The following CDK13 variants were observed in gnomAD, a reference collection of about 807,000 sequenced individuals.
The protein encoded by CDK13 is cyclin-dependent kinase 13.
Under a neutral mutation model 137.6 loss-of-function variants are expected in CDK13, and 40 were observed. The ratio of observed to expected loss-of-function variants is 0.29; its 90% CI spans 0.23 to 0.38. CDK13 has a LOEUF of 0.38. Ranked by LOEUF, CDK13 falls within the 10% of genes least tolerant of loss-of-function variation. CDK13 has a pLI of 1.00. For synonymous variants in CDK13, 869 were observed against 760.1 expected, an observed-to-expected ratio of 1.14 and a Z score of -2.36; for missense variants, 1,704 against 1,951.8, an observed-to-expected ratio of 0.87 and a Z score of 2.39.
At chr7:40,021,834 T>G (rs887017070) in intron 5 of CDK13, among the ~76,000 whole-genome samples, 2 of 152,144 alleles carry the variant, frequency 1.3e-5, no homozygotes, top group Non-Finnish European at 2.9e-5. Flanking sequence ...CAACTAAAAT[T>G]TTTCTTTTCA....
At chr7:40,090,488 G>T (rs902878937) in intron 12 of CDK13, among the ~76,000 whole-genome samples, 2 of 152,094 alleles carry the variant, frequency 1.3e-5, no homozygotes, top group Non-Finnish European at 2.9e-5. Flanking sequence ...AGAGTAACTG[G>T]GATTACAGGC....
intron 11 of CDK13, among the ~76,000 whole-genome samples, chr7:40,084,163 G>A (rs1292000562): frequency 1.3e-5 from 2 of 152,048 alleles, no homozygotes; most frequent in Non-Finnish European, 2.9e-5. Context: ...TGGCCAACAT[G>A]GTGAAACCCC....
At chr7:40,031,967 G>A (rs1316478008) in intron 5 of CDK13, among the ~76,000 whole-genome samples, 1 of 151,768 alleles carries the variant, frequency 6.6e-6, no homozygotes. Context: ...GATTATAGAC[G>A]TGAGCCACCA....
rs1562691689 is a variant in CDK13, at chr7:39,950,912, C to T, written c.271C>T (p.Arg91Trp). ...FSPGPPLEVKRLARGKRRAGG... is the reference protein window; with the variant it reads ...FSPGPPLEVKWLARGKRRAGG... Reference sequence around the variant, plus strand: ...CCCGGGCCCCCCTCTGGAGGTCAAGCGGCTGGCGAGAGGCAAGAGGCGCGC... The same window carrying T: ...CCCGGGCCCCCCTCTGGAGGTCAAGTGGCTGGCGAGAGGCAAGAGGCGCGC... The change falls in exon 1 of 14, where the codon CGG (arginine) becomes TGG (tryptophan). Residue 91 changes from arginine to tryptophan, a missense_variant. Physicochemically the swap from Arg to Trp is moderately radical, Grantham distance 101. Around this residue, in one of 5 missense-constraint regions of CDK13, gnomAD observed 1,051 missense variants for 931.0 expected, o/e 1.13. Transcript: ENST00000181839. 3.8e-6 allele frequency: 5 copies of T among 1,330,754 alleles called. No homozygotes were observed. The highest frequency in any genetic ancestry group is 3.1e-5 in the East Asian group (1 of 32,268). The allele number at this position is 1,330,754 out of a possible 1,614,324, so 82.4% of individuals were successfully genotyped here.
chr7:39,968,179 A>G (rs565969733), intron 1 of CDK13, among the ~76,000 whole-genome samples: 14 of 152,328 alleles, frequency 9.2e-5, no homozygotes, highest in Admixed American at 7.8e-4. Context: ...CTCCTTATCC[A>G]CAGGTTGTCA....
chr7:40,007,025 A>G (rs372947130), intron 5 of CDK13, among the ~76,000 whole-genome samples: 5 of 152,200 alleles, frequency 3.3e-5, no homozygotes, highest in African/African-American at 4.8e-5. Flanking sequence ...TCCTAAAACT[A>G]TGAATCTGTG....
At chr7:39,959,153 C>A (rs1471001411) in intron 1 of CDK13, among the ~76,000 whole-genome samples, 1 of 151,496 alleles carries the variant, frequency 6.6e-6, no homozygotes, top group Non-Finnish European at 1.5e-5. Flanking sequence ...AATATATTTT[C>A]ATCTGTTTAC....
At chr7:39,993,097 A>G (rs1317306555) in intron 2 of CDK13, among the ~76,000 whole-genome samples, 2 of 152,186 alleles carry the variant, frequency 1.3e-5, no homozygotes, top group Non-Finnish European at 2.9e-5. Flanking sequence ...CCTATCACCT[A>G]ATGGTTTAGC....
chr7:40,092,451 T>G lies in CDK13; in HGVS notation c.3236-334T>G, dbSNP rs59462251. On this transcript the variant is annotated intron_variant, in intron 12 of 13. Transcript: ENST00000181839. ...TGCTTAGAAGGTATGTGACACTCCC[T>G]TAGCTGTCATCATTATCATTATTCA... 2.1e-4 allele frequency: 56 copies of G among 263,612 alleles called. 1 individual carries two copies. The East Asian group carries it at 3.7e-3, about 18-fold the overall frequency. 16.3% of individuals were successfully genotyped at this position (263,612 alleles called of 1,614,324 possible). A position where few individuals can be genotyped will look rare whatever the true frequency, so the allele number is the denominator to read the frequency against.
At chr7:40,039,870 T>C (rs1329586660) in intron 5 of CDK13, among the ~76,000 whole-genome samples, 1 of 152,202 alleles carries the variant, frequency 6.6e-6, no homozygotes, top group Non-Finnish European at 1.5e-5. Context: ...ATTTGTCATA[T>C]TTATTATTTC....
At chr7:40,079,823 A>G (rs1786627707) in intron 11 of CDK13, among the ~76,000 whole-genome samples, 1 of 152,174 alleles carries the variant, frequency 6.6e-6, no homozygotes. Flanking sequence ...GGGGAAATAT[A>G]TAGAGTTTGG....
At chr7:40,022,738 A>G (rs1025803419) in intron 5 of CDK13, among the ~76,000 whole-genome samples, 1 of 151,308 alleles carries the variant, frequency 6.6e-6, no homozygotes, top group Non-Finnish European at 1.5e-5. Flanking sequence ...TCGATACTGT[A>G]TGACTTGGGA....
intron 1 of CDK13, among the ~76,000 whole-genome samples, chr7:39,976,492 C>A (rs2116214799): frequency 6.6e-6 from 1 of 152,048 alleles, no homozygotes; most frequent in Admixed American, 6.6e-5. Context: ...ACCTTGGTTG[C>A]ACATGAGGAG....
rs566703746 is a variant in CDK13, at chr7:40,041,186, A to C, written c.2354-4650A>C. The stretch of plus-strand genomic sequence containing the variant: ...ACTAAAAATACAAAAATTAGCCAGG[A>C]GTGGTGGTGCACACCAGTAATCCCA... On this transcript the variant is annotated intron_variant, in intron 5 of 13. Transcript: ENST00000181839. Among the ~76,000 whole-genome samples, 18 of 152,160 alleles carry C rather than the reference A, an allele frequency of 1.2e-4. No individual in the cohort carries two copies. In the South Asian group the frequency reaches 3.7e-3, roughly 32 times the overall value.
chr7:40,082,561 C>T (rs1264257744), intron 11 of CDK13, among the ~76,000 whole-genome samples: 2 of 146,560 alleles, frequency 1.4e-5, no homozygotes, highest in Non-Finnish European at 3.0e-5. Context: ...CTCAGCACTG[C>T]AGGAGGATCA....
intron 11 of CDK13, among the ~76,000 whole-genome samples, chr7:40,081,758 A>G (rs1223296910): frequency 1.3e-5 from 2 of 152,108 alleles, no homozygotes; most frequent in South Asian, 2.1e-4. Context: ...GATTACAGGC[A>G]TGCGCTACCA....
chr7:40,003,749 C>T (rs1479665079), intron 5 of CDK13, among the ~76,000 whole-genome samples: 1 of 152,134 alleles, frequency 6.6e-6, no homozygotes, highest in East Asian at 1.9e-4. Context: ...CCTACTTCTC[C>T]AATCCCATCT....
intron 7 of CDK13, chr7:40,048,686 A>T (rs1785806770): frequency 6.6e-6 from 1 of 151,690 alleles, no homozygotes; most frequent in African/African-American, 2.4e-5. Flanking sequence ...TTGCAGTCTT[A>T]GGAATAGATG....
At chr7:40,003,859 G>T (rs182508751) in intron 5 of CDK13, among the ~76,000 whole-genome samples, 1 of 152,206 alleles carries the variant, frequency 6.6e-6, no homozygotes, top group East Asian at 1.9e-4. Flanking sequence ...AATTTCTCAC[G>T]CCTGAGGTCT....
Sources: gnomAD v4.1 joint callset for allele counts (sites outside exome capture counted in the v4.1 genomes callset) on GRCh38, gnomAD v4.1.1 for gene constraint, gnomAD v4.1.1 regional missense constraint, MANE v1.5 for transcripts, NCBI Gene and HGNC (gene_info 2026-07-23, HGNC 2026-07-21) for gene names.